The following FNIP2 variants were observed in gnomAD, a reference collection of about 807,000 sequenced individuals.
FNIP2 encodes the protein folliculin interacting protein 2, also known as folliculin-interacting protein 2.
Under a neutral mutation model 108.7 loss-of-function variants are expected in FNIP2, and 32 were observed. The observed-to-expected ratio is 0.29, with a 90% CI of 0.22 to 0.40. FNIP2 has a LOEUF of 0.40. Ranked by LOEUF, FNIP2 falls within the 10% of genes least tolerant of loss-of-function variation. FNIP2 has a pLI of 1.00. For synonymous variants in FNIP2, 480 were observed against 496.7 expected (o/e 0.97, Z 0.45); for missense variants, 1,202 against 1,381.6 (o/e 0.87, Z 2.06).
chr4:158,892,050 T>C (rs1782308205), intron 15 of FNIP2, among the ~76,000 whole-genome samples: 1 of 152,176 alleles, frequency 6.6e-6, no homozygotes, highest in African/African-American at 2.4e-5. Flanking sequence ...CACAAAGGTG[T>C]TAAGGATAAA....
chr4:158,846,240 G>C (rs1343605028), intron 7 of FNIP2, among the ~76,000 whole-genome samples: 1 of 152,112 alleles, frequency 6.6e-6, no homozygotes, highest in East Asian at 1.9e-4. Flanking sequence ...TCATGATCTA[G>C]TAAGAAACAT....
At chr4:158,811,765 A>G (rs941981936) in intron 1 of FNIP2, among the ~76,000 whole-genome samples, 1 of 152,196 alleles carries the variant, frequency 6.6e-6, no homozygotes, top group Non-Finnish European at 1.5e-5. Context: ...CTTCCAGCTA[A>G]CATTCTGATA....
intron 1 of FNIP2, among the ~76,000 whole-genome samples, chr4:158,815,487 G>A (rs1368784645): frequency 2.0e-5 from 3 of 150,266 alleles, no homozygotes; most frequent in East Asian, 2.0e-4. Flanking sequence ...GGTTCACGCC[G>A]TTCTCCTGTC....
chr4:158,826,175 A>G (rs1003809720), intron 2 of FNIP2, 133 bp downstream of exon 2: 31 of 1,263,626 alleles, frequency 2.5e-5, no homozygotes, highest in Non-Finnish European at 3.3e-5. Context: ...AAGAAACATA[A>G]GCAAGCATTG....
chr4:158,844,280 G>C (rs1364801319), intron 7 of FNIP2, among the ~76,000 whole-genome samples: 1 of 152,174 alleles, frequency 6.6e-6, no homozygotes, highest in Admixed American at 6.5e-5. Context: ...TTGAATGAGG[G>C]GGGGAAAATA....
At position 158,861,329 on chromosome 4, in the gene FNIP2, T is replaced by C. The variant is rs1224683742; in HGVS notation, c.1149-13T>C. The C allele has an allele frequency of 6.2e-7, 1 of 1,602,480 alleles. No homozygotes were observed. The highest frequency in any genetic ancestry group is 1.1e-5 in the South Asian group (1 of 88,228). On this transcript the variant is annotated splice_polypyrimidine_tract_variant and intron_variant, in intron 10 of 16. Transcript: ENST00000264433. Reference sequence around the variant, plus strand: ...CTGACACTTTTGTGTTTCCCTCTCTTTCTGTTCTATAGAGGAACTATCTGG... The same window carrying C: ...CTGACACTTTTGTGTTTCCCTCTCTCTCTGTTCTATAGAGGAACTATCTGG...
chr4:158,774,498 A>T (rs1578809728), intron 1 of FNIP2, among the ~76,000 whole-genome samples: 1 of 152,206 alleles, frequency 6.6e-6, no homozygotes, highest in African/African-American at 2.4e-5. Context: ...GATTTGAATA[A>T]ATTTCATAGA....
chr4:158,789,304 A>AGT lies in FNIP2; in HGVS notation c.107+20000_107+20001dup, dbSNP rs58194510. On this transcript the variant is annotated intron_variant, in intron 1 of 16. Transcript: ENST00000264433. ...CTCCAACCTCAGAGCCTCTAAAAGC[A>AGT]GTGTGTGTGTGTGTGTATGTGTGTG... 5.1e-3 allele frequency among the ~76,000 whole-genome samples: 777 copies of AGT among 151,984 alleles called. 6 individuals are homozygous for AGT. The highest frequency in any genetic ancestry group is 0.017 in the Middle Eastern group (5 of 294).
intron 1 of FNIP2, among the ~76,000 whole-genome samples, chr4:158,771,578 G>A (rs1399480456): frequency 6.6e-6 from 1 of 152,218 alleles, no homozygotes. Context: ...AGTTTTAGAA[G>A]TGAAGCTAAA....
Position 158,833,532 on chromosome 4 carries a change from C to T in FNIP2, c.559C>T (p.Gln187Ter), listed in dbSNP as rs898877670. The T allele has an allele frequency of 1.9e-6, 3 of 1,587,942 alleles. No individual in the cohort carries two copies. Among genetic ancestry groups the T allele is most frequent in the Non-Finnish European group, 2.6e-6 (3 of 1,169,922 alleles). The change falls in exon 6 of 17, where the codon CAA becomes TAA. Residue 187 changes from glutamine to a stop codon, truncating the protein, a stop_gained. Transcript: ENST00000264433. LOFTEE classifies it high-confidence loss of function. ...GSFCGSTNNLQDSFEYINQDP... is the reference protein window; with the variant it reads ...GSFCGSTNNL ...CCCCCCCATCTCCGGATATAGCTTG[C>T]AAGACAGCTTTGAGTACATCAACCA...
chr4:158,822,504 G>T (rs1007163805), intron 1 of FNIP2, among the ~76,000 whole-genome samples: 1 of 152,046 alleles, frequency 6.6e-6, no homozygotes, highest in Non-Finnish European at 1.5e-5. Flanking sequence ...TTGTTTGTTT[G>T]TTTAACAGAC....
chr4:158,890,293 A>G (rs1782214780), intron 14 of FNIP2: 3 of 984,896 alleles, frequency 3.0e-6, no homozygotes, highest in African/African-American at 1.7e-5. Flanking sequence ...AAACCCTGAT[A>G]ATAGGGAAAA....
chr4:158,881,441 CTCCCTCTCTTTCCACGGTCTCCCT>C (rs1781617217), intron 14 of FNIP2, among the ~76,000 whole-genome samples: 1 of 148,286 alleles, frequency 6.7e-6, no homozygotes, highest in African/African-American at 2.5e-5. Flanking sequence ...CGGTCTCCCT[CTCCCTCTCTTTCCACGGTCTCCCT>C]CTCCCTCTCT....
chr4:158,835,220 G>A (rs1324762015), intron 6 of FNIP2, 185 bp from the exon 7 acceptor site: 2 of 327,128 alleles, frequency 6.1e-6, no homozygotes, highest in African/African-American at 2.1e-5. Flanking sequence ...TGGTTACTTG[G>A]TTCTCTTTTC....
intron 1 of FNIP2, among the ~76,000 whole-genome samples, chr4:158,784,786 G>A (rs1003946783): frequency 6.6e-6 from 1 of 152,156 alleles, no homozygotes; most frequent in African/African-American, 2.4e-5. Context: ...TTTGTGGCCC[G>A]GTTCCTAACA....
rs570297533 is a variant in FNIP2 at position 158,801,425 on chromosome 4, A to C, written c.108-24491A>C. 7.9e-5 allele frequency among the ~76,000 whole-genome samples: 12 copies of C among 152,288 alleles called. No homozygotes were observed. In the East Asian group the frequency reaches 9.7e-4, roughly 12 times the overall value. On this transcript the variant is annotated intron_variant, in intron 1 of 16. Transcript: ENST00000264433. ...TTGACTTATCAGTCAGTGATATCCA[A>C]TTGCCTCCTCCTTAGCCCCTTCCCA...
rs531614954 is a variant in FNIP2 at position 158,845,694 on chromosome 4, C to T, written c.728-5627C>T. On this transcript the variant is annotated intron_variant, in intron 7 of 16. Transcript: ENST00000264433. ...CAACATTCAGATACACTGATGTTGACTGAATCCACCCTTTTGTCATGAAAA... is the reference window on the plus strand; with the variant it reads ...CAACATTCAGATACACTGATGTTGATTGAATCCACCCTTTTGTCATGAAAA... 2.0e-5 allele frequency among the ~76,000 whole-genome samples: 3 copies of T among 152,366 alleles called. No homozygotes were observed. In the East Asian group the frequency reaches 5.8e-4, roughly 29 times the overall value.
rs773715385 is a variant in FNIP2, at chr4:158,868,619, C to T, written c.1983C>T (p.Gly661=). Residue 661 remains glycine (G), a synonymous_variant, in exon 13 of 17, where the codon GGC becomes GGT. Coordinates refer to ENST00000264433, the MANE Select transcript of FNIP2 (RefSeq NM_020840.3). This position sits in a 1 kb window ranked among gnomAD's most constrained non-coding sequence, Gnocchi z 4.6. The stretch of plus-strand genomic sequence containing the variant: ...AAAATAAAGAGGCACCGCAAGATGG[C>T]TCTTCAAGACTTCCCAGCTGTGAAG... The part of the protein sequence containing the change: ...DEKNKEAPQD[G]SSRLPSCEVL... The T allele has an allele frequency of 6.2e-7, 1 of 1,613,956 alleles. No individual in the cohort carries two copies. Among genetic ancestry groups the T allele is most frequent in the South Asian group, 1.1e-5 (1 of 91,076 alleles).
At chr4:158,823,341 C>T (rs539930643) in intron 1 of FNIP2, among the ~76,000 whole-genome samples, 75 of 152,290 alleles carry the variant, frequency 4.9e-4, no homozygotes, top group African/African-American at 1.8e-3. Flanking sequence ...TCTCGGCTCA[C>T]TGCAACCTCT....
Sources: gnomAD v4.1 joint callset for allele counts (sites outside exome capture counted in the v4.1 genomes callset) on GRCh38, gnomAD v4.1.1 for gene constraint, Gnocchi (gnomAD v3.1) non-coding constraint, MANE v1.5 for transcripts, NCBI Gene and HGNC (gene_info 2026-07-23, HGNC 2026-07-21) for gene names.